PEAK1: variants seen among roughly 807,000 people sequenced by gnomAD.
The protein encoded by PEAK1 is pseudopodium enriched atypical kinase 1, also known as inactive tyrosine-protein kinase PEAK1.
A neutral mutation model predicts 124.7 loss-of-function variants in PEAK1; 54 were observed. The ratio of observed to expected loss-of-function variants is 0.43; its 90% CI spans 0.35 to 0.54. The LOEUF is 0.54. Among genes scored for constraint, PEAK1 ranks in the 20% least tolerant of loss-of-function variants. PEAK1 has a pLI of 0.01. For missense variants in PEAK1, 2,046 were observed against 2,134.5 expected (o/e 0.96, Z 0.82); for synonymous variants, 719 against 760.0 (o/e 0.95, Z 0.89).
intron 8 of PEAK1, among the ~76,000 whole-genome samples, chr15:77,136,628 T>C (rs1434081214): frequency 6.6e-6 from 1 of 151,978 alleles, no homozygotes; most frequent in East Asian, 1.9e-4. Flanking sequence ...ATCATGCCAC[T>C]GTACTCCAGT....
At chr15:77,220,029 G>C (rs950244367) in intron 6 of PEAK1, among the ~76,000 whole-genome samples, 6 of 152,008 alleles carry the variant, frequency 3.9e-5, no homozygotes, top group Admixed American at 6.6e-5. Context: ...TCCACAAAAA[G>C]AATTTACAGA....
chr15:77,164,296 T>C (rs550060428), intron 7 of PEAK1, among the ~76,000 whole-genome samples: 21 of 152,332 alleles, frequency 1.4e-4, no homozygotes, highest in Admixed American at 1.1e-3. Context: ...GAATTTCTTA[T>C]CCTGAACTGA....
chr15:77,378,924 T>C (rs536523807), intron 1 of PEAK1, among the ~76,000 whole-genome samples: 3 of 152,198 alleles, frequency 2.0e-5, no homozygotes, highest in Non-Finnish European at 4.4e-5. Flanking sequence ...ACTGTGTAAG[T>C]CCGAGGATTT....
At chr15:77,315,138 T>G (rs1004430322) in intron 2 of PEAK1, among the ~76,000 whole-genome samples, 1 of 152,238 alleles carries the variant, frequency 6.6e-6, no homozygotes, top group Non-Finnish European at 1.5e-5. Context: ...AATTATTTTG[T>G]GTCTCATTTA....
chr15:77,270,510 A>C (rs1386122940), intron 5 of PEAK1, among the ~76,000 whole-genome samples: 2 of 152,182 alleles, frequency 1.3e-5, no homozygotes, highest in African/African-American at 4.8e-5. Flanking sequence ...CCAAATCATG[A>C]GTGAACTCCC....
At position 77,133,294 on chromosome 15, in the gene PEAK1, C is replaced by T; in HGVS notation, c.3788G>A (p.Arg1263Lys). 6.2e-7 allele frequency: 1 copy of T among 1,614,228 alleles called. No individual in the cohort carries two copies. Residue 1263 changes from arginine (R) to lysine (K), a missense_variant, in exon 9 of 10, where the codon AGA becomes AAA. Arg to Lys is a conservative substitution (Grantham distance 26). Transcript: ENST00000682557. This position sits in a 1 kb window ranked among gnomAD's most constrained non-coding sequence, Gnocchi z 4.2. ...SLSSRRGPSC[R>K]QGRGIQKPQR... is the part of the protein sequence containing the mutation. ...CGGCTTCTGGATGCCTCGGCCCTGT[C>T]TGCAAGAGGGCCCACGCCGGCTGGA...
At chr15:77,216,417 G>T (rs2059151065) in intron 6 of PEAK1, among the ~76,000 whole-genome samples, 1 of 152,184 alleles carries the variant, frequency 6.6e-6, no homozygotes, top group South Asian at 2.1e-4. Flanking sequence ...AGTTTGAAAA[G>T]AGTCCCTATC....
chr15:77,298,034 C>T (rs1197056512), intron 2 of PEAK1, among the ~76,000 whole-genome samples: 1 of 112,410 alleles, frequency 8.9e-6, no homozygotes, highest in Non-Finnish European at 1.7e-5. Flanking sequence ...GTCTGCAGTC[C>T]GGCCTGGGCG....
chr15:77,240,461 T>TAA, intron 6 of PEAK1, among the ~76,000 whole-genome samples: 1 of 149,628 alleles, frequency 6.7e-6, no homozygotes, highest in South Asian at 2.1e-4. Context: ...CTACAAAAAA[T>TAA]AAAAAAAAAT....
At chr15:77,122,494 C>T (rs1399407011) in intron 9 of PEAK1, among the ~76,000 whole-genome samples, 1 of 152,148 alleles carries the variant, frequency 6.6e-6, no homozygotes, top group East Asian at 1.9e-4. Context: ...CAGCTCAGGG[C>T]CCACATTAGG....
At position 77,182,749 on chromosome 15, in the gene PEAK1, C is replaced by CAAAAAAAAAAAAAAAAAAAA. The variant is rs71143395; in HGVS notation, c.-114-729_-114-710dup. Reference sequence around the variant, plus strand: ...TGGGTGACAGAGTGAGACCTTGTCTCAAAAAAAAAAAAAAAAAAAAGGCTG... The same window carrying CAAAAAAAAAAAAAAAAAAAA: ...TGGGTGACAGAGTGAGACCTTGTCTCAAAAAAAAAAAAAAAAAAAAAAAAAAAAAAAAAAAAAAAAGGCTG... On this transcript the variant is annotated intron_variant, in intron 6 of 9. Transcript: ENST00000682557. 2.3e-4 allele frequency among the ~76,000 whole-genome samples: 15 copies of CAAAAAAAAAAAAAAAAAAAA among 65,142 alleles called. 1 individual carries two copies. The highest frequency in any genetic ancestry group is 7.4e-4 in the African/African-American group (12 of 16,192). 42.7% of individuals were successfully genotyped at this position (65,142 alleles called of 152,430 possible). A position where few individuals can be genotyped will look rare whatever the true frequency, so the allele number is the denominator to read the frequency against.
chr15:77,277,701 T>C (rs1048569905), intron 5 of PEAK1, among the ~76,000 whole-genome samples: 1 of 151,982 alleles, frequency 6.6e-6, no homozygotes. Flanking sequence ...TAGAAAAAAA[T>C]TATAGCAACT....
At chr15:77,291,012 C>T (rs1441689405) in intron 2 of PEAK1, among the ~76,000 whole-genome samples, 3 of 152,022 alleles carry the variant, frequency 2.0e-5, no homozygotes, top group East Asian at 1.9e-4. Context: ...TTTTCTATAC[C>T]AAGGAACAAG....
At chr15:77,266,969 G>T (rs78485062) in intron 5 of PEAK1, among the ~76,000 whole-genome samples, 1 of 151,326 alleles carries the variant, frequency 6.6e-6, no homozygotes, top group Non-Finnish European at 1.5e-5. Context: ...CTGGAAATCA[G>T]CTCTGTGTTG....
intron 6 of PEAK1, among the ~76,000 whole-genome samples, chr15:77,191,484 C>T (rs1255621523): frequency 6.6e-6 from 1 of 152,128 alleles, no homozygotes. Flanking sequence ...TTAGGTTAGA[C>T]TTCAGTTATC....
intron 8 of PEAK1, among the ~76,000 whole-genome samples, chr15:77,154,468 G>A (rs2054941601): frequency 6.6e-6 from 1 of 152,132 alleles, no homozygotes; most frequent in Admixed American, 6.5e-5. Flanking sequence ...TTTAATTGGA[G>A]CATTTAGCCC....
intron 5 of PEAK1, among the ~76,000 whole-genome samples, chr15:77,253,035 T>A (rs1376137552): frequency 6.6e-6 from 1 of 152,190 alleles, no homozygotes; most frequent in Non-Finnish European, 1.5e-5. Context: ...CACCCAAAAT[T>A]AAATACATGT....
At chr15:77,386,967 C>T (rs2070002118) in intron 1 of PEAK1, among the ~76,000 whole-genome samples, 1 of 151,528 alleles carries the variant, frequency 6.6e-6, no homozygotes, top group African/African-American at 2.4e-5. Flanking sequence ...ATTGTGTATC[C>T]ATAGTAAAAA....
intron 6 of PEAK1, among the ~76,000 whole-genome samples, chr15:77,229,703 A>G (rs1013664259): frequency 1.3e-5 from 2 of 148,670 alleles, no homozygotes; most frequent in African/African-American, 5.0e-5. Flanking sequence ...GCCAGAGTGC[A>G]ATGGCACAAT....
Sources: gnomAD v4.1 joint callset for allele counts (sites outside exome capture counted in the v4.1 genomes callset) on GRCh38, gnomAD v4.1.1 for gene constraint, Gnocchi (gnomAD v3.1) non-coding constraint, MANE v1.5 for transcripts, NCBI Gene and HGNC (gene_info 2026-07-23, HGNC 2026-07-21) for gene names.